Variants in CD38 observed in about 807,000 individuals in gnomAD.
CD38 encodes the protein ADP-ribosyl cyclase/cyclic ADP-ribose hydrolase 1.
In CD38, 31 loss-of-function variants were observed where a neutral mutation model predicts 36.3. That is an observed-to-expected ratio of 0.85 (90% confidence interval 0.64 to 1.15). CD38 has a LOEUF of 1.15. Among genes scored for constraint, CD38 ranks in the 50% most tolerant of loss-of-function variants. CD38 has a pLI of 0.00. For missense variants in CD38, 380 were observed against 371.9 expected (o/e 1.02, Z -0.18); for synonymous variants, 131 against 135.2 (o/e 0.97, Z 0.22).
At chr4:15,817,973 C>T (rs2148922601) in intron 2 of CD38, among the ~76,000 whole-genome samples, 1 of 152,176 alleles carries the variant, frequency 6.6e-6, no homozygotes, top group Non-Finnish European at 1.5e-5. Context: ...TTTTCGTACC[C>T]CAGTGGCGCC....
intron 4 of CD38, 152 bp downstream of exon 4, chr4:15,834,454 A>G: frequency 1.6e-6 from 1 of 607,918 alleles, no homozygotes; most frequent in South Asian, 2.1e-5. Flanking sequence ...TCAGATGCAC[A>G]TGCCAGAAAA....
intron 4 of CD38, among the ~76,000 whole-genome samples, chr4:15,834,516 C>T (rs1724025148): frequency 6.6e-6 from 1 of 152,186 alleles, no homozygotes. Flanking sequence ...GCTCCAGTTG[C>T]AGAATCTTTG....
chr4:15,836,325 G>A (rs192086720), intron 4 of CD38, among the ~76,000 whole-genome samples: 13 of 152,318 alleles, frequency 8.5e-5, no homozygotes, highest in African/African-American at 3.1e-4. Flanking sequence ...AACCTAGCTA[G>A]TTCCCTGGAG....
intron 1 of CD38, among the ~76,000 whole-genome samples, chr4:15,789,437 G>A (rs757821558): frequency 2.0e-5 from 3 of 152,170 alleles, no homozygotes; most frequent in Non-Finnish European, 2.9e-5. Context: ...TTGAGGCACC[G>A]AGTACATTTA....
intron 1 of CD38, among the ~76,000 whole-genome samples, chr4:15,791,008 G>C (rs1288696044): frequency 6.9e-6 from 1 of 145,628 alleles, no homozygotes; most frequent in Non-Finnish European, 1.5e-5. Context: ...AGTGAGGAGC[G>C]TCTCCGCCCG....
chr4:15,825,260 A>C (rs1437386129), intron 3 of CD38: 2 of 419,014 alleles, frequency 4.8e-6, no homozygotes, highest in Non-Finnish European at 4.3e-6. Flanking sequence ...GGGTACCAGC[A>C]TCCACTTCGG....
intron 1 of CD38, among the ~76,000 whole-genome samples, chr4:15,804,512 G>C (rs536993161): frequency 6.6e-6 from 1 of 152,116 alleles, no homozygotes; most frequent in African/African-American, 2.4e-5. Context: ...ATGAAGATAT[G>C]GAATCCACCG....
chr4:15,848,668 C>A lies in CD38; in HGVS notation c.*66C>A. 7.6e-7 allele frequency: 1 copy of A among 1,320,580 alleles called. No homozygotes were observed. The highest frequency in any genetic ancestry group is 1.1e-6 in the Non-Finnish European group (1 of 915,486). 81.8% of individuals were successfully genotyped at this position (1,320,580 alleles called of 1,614,324 possible). On this transcript the variant is annotated 3_prime_UTR_variant, in exon 8 of 8. Transcript: ENST00000226279. The stretch of plus-strand genomic sequence containing the variant: ...GTTTATGTCATCATACATGACTCAG[C>A]ATACCTGCTGGTGCAGAGCTGAAGA...
At chr4:15,790,230 C>T (rs939472767) in intron 1 of CD38, among the ~76,000 whole-genome samples, 29 of 150,626 alleles carry the variant, frequency 1.9e-4, no homozygotes, top group African/African-American at 6.1e-4. Flanking sequence ...CCTCTGATGC[C>T]GAGCCAAAGC....
intron 1 of CD38, among the ~76,000 whole-genome samples, chr4:15,786,167 A>G (rs1722820049): frequency 6.6e-6 from 1 of 152,206 alleles, no homozygotes; most frequent in Non-Finnish European, 1.5e-5. Context: ...GAGCAAAAGA[A>G]CAAAGCTTCC....
At chr4:15,835,858 T>C (rs920511808) in intron 4 of CD38, among the ~76,000 whole-genome samples, 1 of 152,196 alleles carries the variant, frequency 6.6e-6, no homozygotes, top group Non-Finnish European at 1.5e-5. Context: ...TGTGCACATA[T>C]ACCCCCATCT....
rs535812916 is a variant in CD38 at position 15,797,662 on chromosome 4, C to T, written c.234-18849C>T. Among the ~76,000 whole-genome samples the T allele has an allele frequency of 4.6e-5, 7 of 152,242 alleles. No individual in the cohort carries two copies. The South Asian group carries it at 8.3e-4, about 18-fold the overall frequency. On this transcript the variant is annotated intron_variant, in intron 1 of 7. Transcript: ENST00000226279. ...TCTAAAATCAAGGTGTCAGAAGGGT[C>T]GGTGCCTTCTGAAGGTGTGAGAGAG...
At chr4:15,806,363 C>G (rs1723340353) in intron 1 of CD38, among the ~76,000 whole-genome samples, 1 of 152,174 alleles carries the variant, frequency 6.6e-6, no homozygotes, top group South Asian at 2.1e-4. Context: ...TGTAAATTTC[C>G]TGTGGGAGGC....
chr4:15,799,817 T>C (rs1723178955), intron 1 of CD38, among the ~76,000 whole-genome samples: 1 of 152,176 alleles, frequency 6.6e-6, no homozygotes, highest in South Asian at 2.1e-4. Context: ...ATCACTTCTC[T>C]TCTAACTACA....
At chr4:15,793,564 GAC>G (rs1384448934) in intron 1 of CD38, among the ~76,000 whole-genome samples, 1 of 152,112 alleles carries the variant, frequency 6.6e-6, no homozygotes, top group Non-Finnish European at 1.5e-5. Context: ...TGGTCCTTGG[GAC>G]ACAGGACTTA....
At chr4:15,816,439 A>C in intron 1 of CD38, 72 bp from the exon 2 acceptor site, 2 of 1,337,768 alleles carry the variant, frequency 1.5e-6, no homozygotes, top group Non-Finnish European at 2.0e-6. Context: ...TAAGATTCTA[A>C]AAAATAATTA....
chr4:15,829,682 T>C (rs1459484789), intron 3 of CD38, among the ~76,000 whole-genome samples: 1 of 152,124 alleles, frequency 6.6e-6, no homozygotes, highest in Non-Finnish European at 1.5e-5. Flanking sequence ...TATCAAATAA[T>C]AGGTCTTATT....
intron 1 of CD38, among the ~76,000 whole-genome samples, chr4:15,790,321 C>T (rs1467443654): frequency 6.6e-6 from 1 of 152,222 alleles, no homozygotes; most frequent in South Asian, 2.1e-4. Context: ...TGCCTGCGCA[C>T]GCCGCCACGC....
chr4:15,780,395 T>C lies in CD38; in HGVS notation c.233+1748T>C, dbSNP rs554168867. Among the ~76,000 whole-genome samples the C allele has an allele frequency of 2.6e-5, 4 of 152,328 alleles. No homozygotes were observed. In the East Asian group the frequency reaches 7.7e-4, roughly 29 times the overall value. ...TCAGTGAGTCTAAGCATCTTGTATA[T>C]GTTTATTTGCCATTTATATTTTTTT... On this transcript the variant is annotated intron_variant, in intron 1 of 7. Transcript: ENST00000226279.
Sources: allele counts gnomAD v4.1 joint callset (sites outside exome capture counted in the v4.1 genomes callset), GRCh38; gene constraint gnomAD v4.1.1; transcripts MANE v1.5; gene names NCBI Gene and HGNC (gene_info 2026-07-23, HGNC 2026-07-21).